The following PREPL variants were observed in gnomAD, a reference collection of about 807,000 sequenced individuals.
PREPL encodes the protein prolyl endopeptidase-like.
In PREPL, 77 loss-of-function variants were observed where a neutral mutation model predicts 70.6. That is an observed-to-expected ratio of 1.09 (90% CI 0.91 to 1.32). PREPL has a LOEUF of 1.32. Among genes scored for constraint, PREPL ranks in the 40% most tolerant of loss-of-function variants. PREPL has a pLI of 0.00. For synonymous variants in PREPL, 315 were observed against 264.8 expected (o/e 1.19, Z -1.84); for missense variants, 1,002 against 778.2 (o/e 1.29, Z -3.42).
In PREPL at chr2:44,346,261, A is replaced by G. The variant is rs773228143; in HGVS notation, c.75+7T>C. 1 of 1,605,364 alleles carries G rather than the reference A, an allele frequency of 6.2e-7. No homozygotes were observed. Among genetic ancestry groups the G allele is most frequent in the Admixed American group, 1.7e-5 (1 of 58,144 alleles). ...AAATTTTTTTTTAAAGACATGAGAT[A>G]TCTTACTTCCACATTGATGATTTCA... is the stretch of plus-strand genomic sequence containing the variant. On this transcript the variant is annotated splice_region_variant and intron_variant, in intron 2 of 13. Coordinates refer to ENST00000409411, the MANE Select transcript of PREPL (RefSeq NM_001171613.2).
rs189757644 is a variant in PREPL at position 44,344,434 on chromosome 2, C to T, written c.142+86G>A. The T allele has an allele frequency of 4.1e-5, 41 of 1,002,138 alleles. No individual in the cohort carries two copies. In the Admixed American group the frequency reaches 1.0e-3, roughly 24 times the overall value. The allele number at this position is 1,002,138 out of a possible 1,614,324, so 62.1% of individuals were successfully genotyped here. A position where few individuals can be genotyped will look rare whatever the true frequency, so the allele number is the denominator to read the frequency against. On this transcript the variant is annotated intron_variant, in intron 3 of 13. Coordinates refer to ENST00000409411, the MANE Select transcript of PREPL (RefSeq NM_001171613.2). ...GAAATAATCTTTAAAAAAATCTTTTCTCTATCTTTGAGAAATTAATAAATT... is the reference window on the plus strand; with the variant it reads ...GAAATAATCTTTAAAAAAATCTTTTTTCTATCTTTGAGAAATTAATAAATT...
chr2:44,327,921 G>A (rs1157680415), intron 9 of PREPL, among the ~76,000 whole-genome samples: 4 of 151,674 alleles, frequency 2.6e-5, no homozygotes, highest in Non-Finnish European at 4.4e-5. Context: ...AGGCTGAGGC[G>A]GGCGGACTGC....
In PREPL at chr2:44,320,270, ACTC is replaced by A. The variant is rs1346634507; in HGVS notation, c.*1083_*1085del. 19 of 1,613,936 alleles carry A rather than the reference ACTC, an allele frequency of 1.2e-5. No individual in the cohort carries two copies. The highest frequency in any genetic ancestry group is 1.4e-5 in the Non-Finnish European group (17 of 1,179,972). ...TAAGTCTACTTCATGCCAATGAGCT[ACTC>A]CTCAACAGGGGCTGGTTTTGCCATT... On this transcript the variant is annotated 3_prime_UTR_variant, in exon 14 of 14. Coordinates refer to ENST00000409411, the MANE Select transcript of PREPL (RefSeq NM_001171613.2).
chr2:44,321,804 C>A (rs1314890323), intron 13 of PREPL, 23 bp downstream of exon 13: 6 of 1,613,706 alleles, frequency 3.7e-6, no homozygotes, highest in Admixed American at 1.7e-5. Flanking sequence ...AATCTGTCCA[C>A]TGAGAGGGCC....
chr2:44,352,844 G>A (rs1676597481), intron 1 of PREPL, among the ~76,000 whole-genome samples: 1 of 152,128 alleles, frequency 6.6e-6, no homozygotes, highest in South Asian at 2.1e-4. Flanking sequence ...CAAAGGACAC[G>A]TAAAGAAATC....
intron 10 of PREPL, 23 bp downstream of exon 10, chr2:44,326,689 C>G: frequency 2.5e-6 from 4 of 1,599,882 alleles, no homozygotes; most frequent in Non-Finnish European, 3.4e-6. Context: ...ATTCTATAAA[C>G]AGTAGAGACA....
At chr2:44,335,128 G>A (rs552546414) in intron 7 of PREPL, among the ~76,000 whole-genome samples, 105 of 152,176 alleles carry the variant, frequency 6.9e-4, no homozygotes, top group Non-Finnish European at 7.6e-4. Context: ...TATAAAAGTC[G>A]TAATAGGTAC....
At chr2:44,339,074 G>C in intron 6 of PREPL, 73 bp downstream of exon 6, 1 of 1,574,300 alleles carries the variant, frequency 6.4e-7, no homozygotes, top group Non-Finnish European at 8.6e-7. Flanking sequence ...AGCTCTTGGA[G>C]CAAGAAATGT....
intron 6 of PREPL, among the ~76,000 whole-genome samples, chr2:44,338,752 G>A: frequency 6.6e-6 from 1 of 152,128 alleles, no homozygotes. Flanking sequence ...CCAGTGCTTA[G>A]CCAACCACTG....
intron 12 of PREPL, among the ~76,000 whole-genome samples, chr2:44,322,186 G>A (rs900702781): frequency 6.6e-6 from 1 of 152,122 alleles, no homozygotes. Context: ...GAATCTGAGA[G>A]TCTTATGCCC....
rs143975803 is a variant in PREPL, at chr2:44,330,963, G to A, written c.1086+1496C>T. Among the ~76,000 whole-genome samples, 5 of 151,966 alleles carry A rather than the reference G, an allele frequency of 3.3e-5. No individual in the cohort carries two copies. The East Asian group carries it at 9.7e-4, about 29-fold the overall frequency. On this transcript the variant is annotated intron_variant, in intron 8 of 13. Coordinates refer to ENST00000409411, the MANE Select transcript of PREPL (RefSeq NM_001171613.2). Reference sequence around the variant, plus strand: ...TCCTTTATATTTGTTCTTTTTCTGAGACAGGATCTTACTCTGTCACACAGG... The same window carrying A: ...TCCTTTATATTTGTTCTTTTTCTGAAACAGGATCTTACTCTGTCACACAGG...
At chr2:44,349,738 G>A (rs977317235) in intron 1 of PREPL, among the ~76,000 whole-genome samples, 52 of 152,186 alleles carry the variant, frequency 3.4e-4, no homozygotes, top group African/African-American at 1.2e-3. Flanking sequence ...GCCAAGGCGG[G>A]TGGATCACGA....
intron 1 of PREPL, among the ~76,000 whole-genome samples, chr2:44,356,832 G>A (rs1011677280): frequency 1.3e-5 from 2 of 150,548 alleles, no homozygotes; most frequent in South Asian, 2.1e-4. Context: ...TTGAGACAGG[G>A]TATCCTTCTG....
chr2:44,321,163 G>T lies in PREPL; in HGVS notation c.*193C>A. 1 of 571,792 alleles carries T rather than the reference G, an allele frequency of 1.7e-6. No homozygotes were observed. Among genetic ancestry groups the T allele is most frequent in the Non-Finnish European group, 3.2e-6 (1 of 317,050 alleles). 35.4% of individuals were successfully genotyped at this position (571,792 alleles called of 1,614,324 possible). A position where few individuals can be genotyped will look rare whatever the true frequency, so the allele number is the denominator to read the frequency against. On this transcript the variant is annotated 3_prime_UTR_variant, in exon 14 of 14. Transcript: ENST00000409411. ...GAAAATTACTTTCCTAGGTTAATGG[G>T]CATGTGCATCAATGGAGAGAATAGT... is the stretch of plus-strand genomic sequence containing the variant.
rs1017122413 is a variant in PREPL at position 44,319,840 on chromosome 2, T to C, written c.*1516A>G. The stretch of plus-strand genomic sequence containing the variant: ...CACTGTTGCCTTCTTTCTGGCCATC[T>C]GGCAGTTACAATATAGCACAGAATG... On this transcript the variant is annotated 3_prime_UTR_variant, in exon 14 of 14. Coordinates refer to ENST00000409411, the MANE Select transcript of PREPL (RefSeq NM_001171613.2). 9.9e-6 allele frequency: 2 copies of C among 202,192 alleles called. No homozygotes were observed. Among genetic ancestry groups the C allele is most frequent in the African/African-American group, 4.7e-5 (2 of 42,318 alleles). The allele number at this position is 202,192 out of a possible 1,614,324, so 12.5% of individuals were successfully genotyped here. A position where few individuals can be genotyped will look rare whatever the true frequency, so the allele number is the denominator to read the frequency against.
At chr2:44,345,414 C>A (rs1297636435) in intron 2 of PREPL, among the ~76,000 whole-genome samples, 1 of 151,824 alleles carries the variant, frequency 6.6e-6, no homozygotes, top group African/African-American at 2.4e-5. Flanking sequence ...TGCAGTGGTG[C>A]AATCTTGGCT....
chr2:44,361,046 G>T (rs950759064), intron 1 of PREPL, among the ~76,000 whole-genome samples: 1 of 152,150 alleles, frequency 6.6e-6, no homozygotes, highest in South Asian at 2.1e-4. Flanking sequence ...GGGGAAAAAA[G>T]ACCCGAATAA....
At chr2:44,335,511 T>C (rs183010548) in intron 7 of PREPL, among the ~76,000 whole-genome samples, 1 of 152,236 alleles carries the variant, frequency 6.6e-6, no homozygotes, top group African/African-American at 2.4e-5. Context: ...AGGCAGAAGA[T>C]TGAAAACTGG....
chr2:44,336,399 G>A (rs1013953178), intron 7 of PREPL, among the ~76,000 whole-genome samples: 4 of 152,136 alleles, frequency 2.6e-5, no homozygotes, highest in Non-Finnish European at 5.9e-5. Context: ...CATGGATGAA[G>A]CTGGAGGCCA....
Sources: gnomAD v4.1 joint callset for allele counts (sites outside exome capture counted in the v4.1 genomes callset) on GRCh38, gnomAD v4.1.1 for gene constraint, MANE v1.5 for transcripts, NCBI Gene and HGNC (gene_info 2026-07-23, HGNC 2026-07-21) for gene names.